Variants in FXN observed in about 807,000 individuals in gnomAD.
FXN encodes the protein frataxin, mitochondrial.
In FXN, 14 loss-of-function variants were observed where a neutral mutation model predicts 22.4. The observed-to-expected ratio is 0.62, with a 90% CI of 0.41 to 0.98. FXN has a LOEUF of 0.98. Among genes scored for constraint, FXN ranks in the 50% least tolerant of loss-of-function variants. The pLI, the probability that FXN is intolerant of heterozygous loss-of-function variation, is 0.00. For missense variants in FXN, 267 were observed against 268.4 expected, an observed-to-expected ratio of 0.99 and a Z score of 0.04; for synonymous variants, 120 against 114.1, an observed-to-expected ratio of 1.05 and a Z score of -0.33.
rs1832373831 is a variant in FXN, at chr9:69,076,625, T to C, written c.*3863T>C. The stretch of plus-strand genomic sequence containing the variant: ...TGCCCCAAATTCTGACAGATGCTTT[T>C]GCCACCTCTAAAGGAAGACCCATGT... On this transcript the variant is annotated 3_prime_UTR_variant, in exon 5 of 5. Transcript: ENST00000484259. The C allele has an allele frequency of 1.0e-6, 1 of 985,356 alleles. No individual in the cohort carries two copies. The allele number at this position is 985,356 out of a possible 1,614,324, so 61.0% of individuals were successfully genotyped here.
chr9:69,040,537 G>A (rs1022976039), intron 1 of FXN, among the ~76,000 whole-genome samples: 4 of 152,036 alleles, frequency 2.6e-5, no homozygotes, highest in African/African-American at 4.8e-5. Flanking sequence ...GCGTGGTGAC[G>A]GGTGCCTGTA....
Position 69,076,614 on chromosome 9 carries a change from A to G in FXN, c.*3852A>G. ...CCAGCTATACCTGCCCCAAATTCTG[A>G]CAGATGCTTTTGCCACCTCTAAAGG... On this transcript the variant is annotated 3_prime_UTR_variant, in exon 5 of 5. Transcript: ENST00000484259. The G allele has an allele frequency of 1.0e-6, 1 of 985,464 alleles. No homozygotes were observed. The highest frequency in any genetic ancestry group is 1.2e-6 in the Non-Finnish European group (1 of 829,936). The allele number at this position is 985,464 out of a possible 1,614,324, so 61.0% of individuals were successfully genotyped here.
chr9:69,059,596 G>A (rs1027544850), intron 3 of FXN, among the ~76,000 whole-genome samples: 1 of 151,592 alleles, frequency 6.6e-6, no homozygotes, highest in Admixed American at 6.6e-5. Context: ...AGTAGAGATG[G>A]GGTTTCACCA....
chr9:69,064,136 A>T (rs1832125295), intron 3 of FXN, among the ~76,000 whole-genome samples: 1 of 152,254 alleles, frequency 6.6e-6, no homozygotes. Context: ...CCTGCTTACC[A>T]GTTCAAATAC....
intron 3 of FXN, among the ~76,000 whole-genome samples, chr9:69,062,197 A>G (rs2133123615): frequency 6.6e-6 from 1 of 152,316 alleles, no homozygotes; most frequent in Admixed American, 6.5e-5. Flanking sequence ...TTGCAGCCTC[A>G]ATCTCTGAGG....
intron 3 of FXN, among the ~76,000 whole-genome samples, chr9:69,064,469 T>A (rs1196343375): frequency 6.6e-6 from 1 of 152,224 alleles, no homozygotes; most frequent in African/African-American, 2.4e-5. Flanking sequence ...TTTGCATACT[T>A]CCTTACCTTC....
Position 69,074,424 on chromosome 9 carries a change from C to T in FXN, c.*1662C>T. 1 of 980,916 alleles carries T rather than the reference C, an allele frequency of 1.0e-6. No individual in the cohort carries two copies. The highest frequency in any genetic ancestry group is 1.2e-6 in the Non-Finnish European group (1 of 826,204). The allele number at this position is 980,916 out of a possible 1,614,324, so 60.8% of individuals were successfully genotyped here. On this transcript the variant is annotated 3_prime_UTR_variant, in exon 5 of 5. Transcript: ENST00000484259. Reference sequence around the variant, plus strand: ...TGGCGTGCACCTGTAATCCCAGGTACTCAGGAGGCTGAGACGGGAGAATTG... The same window carrying T: ...TGGCGTGCACCTGTAATCCCAGGTATTCAGGAGGCTGAGACGGGAGAATTG...
At chr9:69,059,621 G>A (rs1413496012) in intron 3 of FXN, among the ~76,000 whole-genome samples, 2 of 151,660 alleles carry the variant, frequency 1.3e-5, no homozygotes, top group African/African-American at 4.8e-5. Flanking sequence ...GGCCTGGCTG[G>A]TCTTGAACTC....
In FXN at chr9:69,078,261, T is replaced by G. The variant is rs1564343971; in HGVS notation, c.*5499T>G. 2 of 985,424 alleles carry G rather than the reference T, an allele frequency of 2.0e-6. No individual in the cohort carries two copies. The highest frequency in any genetic ancestry group is 9.4e-5 in the South Asian group (2 of 21,284). The allele number at this position is 985,424 out of a possible 1,614,324, so 61.0% of individuals were successfully genotyped here. On this transcript the variant is annotated 3_prime_UTR_variant, in exon 5 of 5. Coordinates refer to ENST00000484259, the MANE Select transcript of FXN (RefSeq NM_000144.5). ...AAGTGAATGGTGCCACTGACAGTTA[T>G]GCAAACCGTCCAGAGCATAGCCACC...
intron 3 of FXN, among the ~76,000 whole-genome samples, chr9:69,062,054 G>A (rs1832083373): frequency 6.6e-6 from 1 of 152,170 alleles, no homozygotes; most frequent in Non-Finnish European, 1.5e-5. Context: ...TTAGATAGTG[G>A]TGATGTTTGC....
Position 69,078,183 on chromosome 9 carries a change from T to C in FXN, c.*5421T>C, listed in dbSNP as rs1832405279. The C allele has an allele frequency of 6.1e-6, 6 of 984,486 alleles. No homozygotes were observed. In the South Asian group the frequency reaches 2.8e-4, roughly 46 times the overall value. 61.0% of individuals were successfully genotyped at this position (984,486 alleles called of 1,614,324 possible). ...TTTCTCTGTAAGATTGCCTAGGCTG[T>C]GTACTGCACATCTCCAGGTGCCACT... is the stretch of plus-strand genomic sequence containing the variant. On this transcript the variant is annotated 3_prime_UTR_variant, in exon 5 of 5. Coordinates refer to ENST00000484259, the MANE Select transcript of FXN (RefSeq NM_000144.5).
At chr9:69,071,209 G>T (rs528409501) in intron 4 of FXN, 1 of 518,982 alleles carries the variant, frequency 1.9e-6, no homozygotes. Context: ...CCAAGGGGAC[G>T]GTCCTTGGGC....
At chr9:69,048,240 C>A (rs1400626627) in intron 2 of FXN, among the ~76,000 whole-genome samples, 5 of 152,210 alleles carry the variant, frequency 3.3e-5, no homozygotes, top group Non-Finnish European at 7.3e-5. Context: ...CAGCAATGCC[C>A]TCAGCCTGGT....
intron 3 of FXN, among the ~76,000 whole-genome samples, chr9:69,055,433 T>A (rs1028601555): frequency 6.6e-6 from 1 of 152,108 alleles, no homozygotes; most frequent in Non-Finnish European, 1.5e-5. Context: ...TTTGCATGAA[T>A]GTTTTGTTAG....
At chr9:69,036,384 T>A (rs1350539684) in intron 1 of FXN, among the ~76,000 whole-genome samples, 3 of 152,148 alleles carry the variant, frequency 2.0e-5, no homozygotes, top group Non-Finnish European at 4.4e-5. Context: ...AGCGTGTGTG[T>A]TGTGTGTGTG....
Position 69,074,576 on chromosome 9 carries a change from G to A in FXN, c.*1814G>A, listed in dbSNP as rs1832334286. 1 of 984,584 alleles carries A rather than the reference G, an allele frequency of 1.0e-6. No individual in the cohort carries two copies. The highest frequency in any genetic ancestry group is 6.2e-5 in the Admixed American group (1 of 16,208). The allele number at this position is 984,584 out of a possible 1,614,324, so 61.0% of individuals were successfully genotyped here. A position where few individuals can be genotyped will look rare whatever the true frequency, so the allele number is the denominator to read the frequency against. On this transcript the variant is annotated 3_prime_UTR_variant, in exon 5 of 5. Transcript: ENST00000484259. ...GAAGTTTGTATTAATATGTAGCAAA[G>A]GCTTTTCCAATGGGTGAATAAAAAC...
At chr9:69,059,139 T>G (rs1043809776) in intron 3 of FXN, among the ~76,000 whole-genome samples, 1 of 152,170 alleles carries the variant, frequency 6.6e-6, no homozygotes, top group Non-Finnish European at 1.5e-5. Context: ...AGCTTGGTGT[T>G]TGCCTTAAAC....
intron 4 of FXN, among the ~76,000 whole-genome samples, chr9:69,067,935 A>G (rs978237342): frequency 4.6e-5 from 7 of 152,330 alleles, no homozygotes; most frequent in Admixed American, 1.3e-4. Flanking sequence ...TAGAGTCAAC[A>G]AGAAAACAGG....
intron 3 of FXN, among the ~76,000 whole-genome samples, chr9:69,057,857 T>A (rs1432618131): frequency 1.3e-5 from 2 of 152,108 alleles, no homozygotes; most frequent in Non-Finnish European, 2.9e-5. Context: ...GATCCCTCTG[T>A]GTTATAATTG....
Sources: allele counts gnomAD v4.1 joint callset (sites outside exome capture counted in the v4.1 genomes callset), GRCh38; gene constraint gnomAD v4.1.1; transcripts MANE v1.5; gene names NCBI Gene and HGNC (gene_info 2026-07-23, HGNC 2026-07-21).